CCDC192: variants seen among roughly 807,000 people sequenced by gnomAD.
CCDC192 encodes coiled-coil domain-containing protein 192.
chr5:127,788,103 A>G lies in CCDC192; in HGVS notation c.223-9000A>G, dbSNP rs113581115. Among the ~76,000 whole-genome samples the G allele has an allele frequency of 1.7e-3, 253 of 148,944 alleles. 3 individuals carry two copies. The highest frequency in any genetic ancestry group is 0.014 in the Middle Eastern group (4 of 286). On this transcript the variant is annotated intron_variant, in intron 3 of 6. Coordinates refer to ENST00000514853, the MANE Select transcript of CCDC192 (RefSeq NM_001317938.2). ...CCTCAGAAAAAAAAAAAAAAAAAAA[A>G]GGGGGGGACTATTGAAGTCTCCAAC... is the stretch of plus-strand genomic sequence containing the variant.
chr5:127,881,203 A>G (rs1195854381), intron 6 of CCDC192, among the ~76,000 whole-genome samples: 1 of 152,202 alleles, frequency 6.6e-6, no homozygotes, highest in African/African-American at 2.4e-5. Flanking sequence ...GTCCCCTTCT[A>G]GCCTTCAGTA....
At chr5:127,784,698 G>T in intron 3 of CCDC192, 2 of 645,432 alleles carry the variant, frequency 3.1e-6, no homozygotes, top group South Asian at 2.9e-5. Flanking sequence ...TGCATTTCTT[G>T]ATCAGGGACC....
At chr5:127,875,108 A>T (rs1325283236) in intron 5 of CCDC192, among the ~76,000 whole-genome samples, 1 of 152,134 alleles carries the variant, frequency 6.6e-6, no homozygotes, top group African/African-American at 2.4e-5. Context: ...AAAGCAAACC[A>T]TTATGGTGTT....
rs1015235002 is a variant in CCDC192, at chr5:127,749,596, C to A, written c.115-4672C>A. Among the ~76,000 whole-genome samples, 84 of 150,936 alleles carry A rather than the reference C, an allele frequency of 5.6e-4. 1 individual carries two copies. The highest frequency in any genetic ancestry group is 1.4e-3 in the African/African-American group (57 of 40,552). On this transcript the variant is annotated intron_variant, in intron 2 of 6. Transcript: ENST00000514853. ...TCTCTTTTTTGGTTGTGTCTCTGCCCGGCTTTGGTATCAGAATGATGCTGG... is the reference window on the plus strand; with the variant it reads ...TCTCTTTTTTGGTTGTGTCTCTGCCAGGCTTTGGTATCAGAATGATGCTGG...
chr5:127,702,798 A>G (rs1750760702), upstream of CCDC192, among the ~76,000 whole-genome samples: 2 of 152,218 alleles, frequency 1.3e-5, no homozygotes, highest in African/African-American at 4.8e-5. Flanking sequence ...ATCCAGGGAG[A>G]GATACAGCAA....
At position 127,908,949 on chromosome 5, in the gene CCDC192, C is replaced by T. The variant is rs143913899; in HGVS notation, c.536-32233C>T. Among the ~76,000 whole-genome samples, 10 of 152,132 alleles carry T rather than the reference C, an allele frequency of 6.6e-5. No homozygotes were observed. In the East Asian group the frequency reaches 1.9e-3, roughly 29 times the overall value. On this transcript the variant is annotated intron_variant, in intron 6 of 6. Transcript: ENST00000514853. The stretch of plus-strand genomic sequence containing the variant: ...TTGCACAAAATTTTTAACATTCAAC[C>T]ATTTTTTGACCAATGAAATGTAACT...
At chr5:127,925,578 C>T (rs1324862735) in intron 6 of CCDC192, among the ~76,000 whole-genome samples, 3 of 152,056 alleles carry the variant, frequency 2.0e-5, no homozygotes, top group Non-Finnish European at 4.4e-5. Context: ...GCAAGTAGCA[C>T]AAAGTAAAAG....
chr5:127,757,767 TACAC>T (rs60177261), intron 3 of CCDC192, among the ~76,000 whole-genome samples: 93 of 129,700 alleles, frequency 7.2e-4, no homozygotes, highest in African/African-American at 1.0e-3. Flanking sequence ...AGACAAGGAT[TACAC>T]ACACACACAC....
At chr5:127,761,175 T>C (rs1580613304) in intron 3 of CCDC192, among the ~76,000 whole-genome samples, 1 of 152,360 alleles carries the variant, frequency 6.6e-6, no homozygotes, top group Middle Eastern at 3.4e-3. Flanking sequence ...TTAGTTTCTT[T>C]GCTGTTTTTT....
chr5:127,768,801 G>C (rs1755382582), intron 3 of CCDC192, among the ~76,000 whole-genome samples: 1 of 152,174 alleles, frequency 6.6e-6, no homozygotes, highest in South Asian at 2.1e-4. Flanking sequence ...ATTGAAATGA[G>C]ACTAAACCCG....
intron 6 of CCDC192, among the ~76,000 whole-genome samples, chr5:127,898,074 T>C (rs1752942134): frequency 1.3e-5 from 2 of 152,042 alleles, no homozygotes; most frequent in Admixed American, 1.3e-4. Flanking sequence ...AGACCTAGTA[T>C]ATTTAATGGG....
chr5:127,894,280 C>T (rs1171429670), intron 6 of CCDC192, among the ~76,000 whole-genome samples: 1 of 150,064 alleles, frequency 6.7e-6, no homozygotes, highest in Non-Finnish European at 1.5e-5. Flanking sequence ...GCAAGCTCTG[C>T]CTCCCGGGTT....
chr5:127,718,030 A>T (rs1317063867), intron 2 of CCDC192, among the ~76,000 whole-genome samples: 1 of 152,130 alleles, frequency 6.6e-6, no homozygotes, highest in Non-Finnish European at 1.5e-5. Context: ...CACTTTAATA[A>T]TAAGTGCTAT....
At chr5:127,909,937 A>T (rs1231527061) in intron 6 of CCDC192, among the ~76,000 whole-genome samples, 1 of 152,210 alleles carries the variant, frequency 6.6e-6, no homozygotes, top group East Asian at 1.9e-4. Context: ...CAAGGATCAA[A>T]TTTCCGTATT....
In CCDC192 at chr5:127,797,768, TATA is replaced by T. The variant is rs1561494233; in HGVS notation, c.355-337_355-335del. ...ATATATATATATATATATATATATATATATATATATTTATTTATTTATTTATTT... is the reference window on the plus strand; with the variant it reads ...ATATATATATATATATATATATATATTATATATTTATTTATTTATTTATTT... On this transcript the variant is annotated intron_variant, in intron 4 of 6. Transcript: ENST00000514853. 1.9e-3 allele frequency among the ~76,000 whole-genome samples: 35 copies of T among 18,112 alleles called. 1 individual carries two copies. The highest frequency in any genetic ancestry group is 2.6e-3 in the African/African-American group (24 of 9,296). 11.9% of individuals were successfully genotyped at this position (18,112 alleles called of 152,430 possible).
Position 127,854,025 on chromosome 5 carries a change from T to C in CCDC192, c.412-21513T>C, listed in dbSNP as rs1396709774. 2.6e-5 allele frequency among the ~76,000 whole-genome samples: 4 copies of C among 152,292 alleles called. No individual in the cohort carries two copies. The East Asian group carries it at 7.7e-4, about 29-fold the overall frequency. On this transcript the variant is annotated intron_variant, in intron 5 of 6. Transcript: ENST00000514853. ...TTCATCATGAAACCATTTAAATCTT[T>C]ATTGCATTTGACCACTCAGCAGCCT...
chr5:127,706,525 G>GAAAA (rs1224118510), intron 1 of CCDC192, among the ~76,000 whole-genome samples: 57 of 59,508 alleles, frequency 9.6e-4, no homozygotes, highest in African/African-American at 1.5e-3. Flanking sequence ...CTCCATCTCA[G>GAAAA]AAAAAAAAAA....
intron 6 of CCDC192, among the ~76,000 whole-genome samples, chr5:127,926,147 G>A (rs543841782): frequency 6.6e-6 from 1 of 152,314 alleles, no homozygotes; most frequent in African/African-American, 2.4e-5. Flanking sequence ...CAATGTATGA[G>A]TCATTGAAGT....
At chr5:127,761,230 C>G (rs1017270241) in intron 3 of CCDC192, among the ~76,000 whole-genome samples, 2 of 152,254 alleles carry the variant, frequency 1.3e-5, no homozygotes, top group Non-Finnish European at 2.9e-5. Flanking sequence ...GTTCATTTAA[C>G]AATTGTTTAT....
Sources: gnomAD v4.1 joint callset for allele counts (sites outside exome capture counted in the v4.1 genomes callset) on GRCh38, gnomAD v4.1.1 for gene constraint, MANE v1.5 for transcripts, NCBI Gene and HGNC (gene_info 2026-07-23, HGNC 2026-07-21) for gene names.